The following TEX11 variants were observed in gnomAD, a reference collection of about 807,000 sequenced individuals.
TEX11 encodes testis-expressed protein 11.
Under a neutral mutation model 84.4 loss-of-function variants are expected in TEX11, and 7 were observed. That is an observed-to-expected ratio of 0.08 (90% CI 0.05 to 0.16). The LOEUF (loss-of-function observed/expected upper bound fraction) is 0.16. Ranked by LOEUF, TEX11 falls within the 10% of genes least tolerant of loss-of-function variation. TEX11 has a pLI of 1.00. For missense variants in TEX11, 551 were observed against 660.5 expected, an observed-to-expected ratio of 0.83 and a Z score of 1.82; for synonymous variants, 264 against 222.8, an observed-to-expected ratio of 1.18 and a Z score of -1.64.
At chrX:70,624,248 G>A (rs1262429780) in intron 19 of TEX11, among the ~76,000 whole-genome samples, 4 of 111,777 alleles carry the variant, frequency 3.6e-5, no homozygotes, top group Non-Finnish European at 7.5e-5. Context: ...AAACAAAAGC[G>A]TTGCTTATAA....
At chrX:70,553,511 C>T (rs2088247245) in intron 26 of TEX11, 97 bp from the exon 27 acceptor site, 2 of 466,789 alleles carry the variant, frequency 4.3e-6, no homozygotes, top group Non-Finnish European at 3.5e-6. Context: ...TGAAACTGGG[C>T]TGAAACAGAT....
chrX:70,812,443 G>C (rs1030251150), intron 8 of TEX11, among the ~76,000 whole-genome samples: 2 of 110,661 alleles, frequency 1.8e-5, no homozygotes, highest in Non-Finnish European at 3.8e-5. Context: ...TCCTGACCTC[G>C]TGATCTGCCC....
chrX:70,868,305 T>A (rs890837319), intron 4 of TEX11, among the ~76,000 whole-genome samples: 23 of 111,918 alleles, frequency 2.1e-4, no homozygotes, highest in African/African-American at 7.5e-4. Context: ...ATTAGAGAAA[T>A]GCAAATGAAA....
At chrX:70,688,952 G>GT (rs1229995176) in intron 13 of TEX11, among the ~76,000 whole-genome samples, 1 of 109,657 alleles carries the variant, frequency 9.1e-6, no homozygotes, top group Non-Finnish European at 1.9e-5. Context: ...CTGGAAATAA[G>GT]TAGAGTCTGT....
chrX:70,897,230 T>TA (rs1569463026), intron 2 of TEX11, among the ~76,000 whole-genome samples: 106 of 51,312 alleles, frequency 2.1e-3, no homozygotes, highest in African/African-American at 5.1e-3. Flanking sequence ...TATATATGTT[T>TA]TATATATATA....
At chrX:70,906,604 A>G (rs768408528) in intron 2 of TEX11, among the ~76,000 whole-genome samples, 3 of 110,721 alleles carry the variant, frequency 2.7e-5, no homozygotes, top group African/African-American at 9.8e-5. Flanking sequence ...CTTGACCGAC[A>G]TGGTGAAACC....
intron 2 of TEX11, among the ~76,000 whole-genome samples, chrX:70,902,553 ACT>A (rs1476721932): frequency 9.0e-6 from 1 of 111,172 alleles, no homozygotes; most frequent in African/African-American, 3.3e-5. Context: ...ATGGGGTCTC[ACT>A]CTGTCACTGG....
chrX:70,511,907 G>C, the TEX11 span, among the ~76,000 whole-genome samples: 2 of 106,555 alleles, frequency 1.9e-5, no homozygotes, highest in African/African-American at 7.0e-5. Context: ...GTGTTGCCCA[G>C]GTTAATACTC....
At chrX:70,859,093 G>A (rs1339237718) in intron 5 of TEX11, among the ~76,000 whole-genome samples, 2 of 110,480 alleles carry the variant, frequency 1.8e-5, no homozygotes, top group Non-Finnish European at 3.8e-5. Flanking sequence ...TGCTATTTGA[G>A]GAGATATAGA....
chrX:70,650,783 A>G (rs1255033146), intron 17 of TEX11, among the ~76,000 whole-genome samples: 2 of 112,283 alleles, frequency 1.8e-5, no homozygotes, highest in African/African-American at 6.5e-5. Flanking sequence ...AATGGCAACC[A>G]GTCTGGAGCT....
At chrX:70,607,532 T>C (rs964613201) in intron 22 of TEX11, among the ~76,000 whole-genome samples, 1 of 110,033 alleles carries the variant, frequency 9.1e-6, no homozygotes, top group Non-Finnish European at 1.9e-5. Flanking sequence ...TACAGTGAGC[T>C]ATGATGCCAC....
intron 25 of TEX11, among the ~76,000 whole-genome samples, chrX:70,574,252 A>G (rs1015292827): frequency 2.7e-5 from 3 of 111,985 alleles, no homozygotes; most frequent in Non-Finnish European, 5.6e-5. Context: ...GAGACCCAAA[A>G]GAGGAAATTT....
intron 4 of TEX11, among the ~76,000 whole-genome samples, chrX:70,872,567 A>T (rs2091635004): frequency 8.9e-6 from 1 of 112,423 alleles, no homozygotes; most frequent in Non-Finnish European, 1.9e-5. Flanking sequence ...ATGCCTGTTG[A>T]AAATCACTAA....
intron 24 of TEX11, among the ~76,000 whole-genome samples, chrX:70,600,372 C>T (rs1025191477): frequency 3.6e-5 from 4 of 110,934 alleles, no homozygotes; most frequent in Admixed American, 1.9e-4. Context: ...TAAAGCAAGT[C>T]CTGAGTGACC....
chrX:70,683,441 G>C (rs2090162446), intron 13 of TEX11, among the ~76,000 whole-genome samples: 1 of 111,226 alleles, frequency 9.0e-6, no homozygotes, highest in South Asian at 3.8e-4. Flanking sequence ...GACTAGCTTG[G>C]GCAAGATGGC....
chrX:70,733,310 A>G (rs1176067204), intron 11 of TEX11, among the ~76,000 whole-genome samples: 1 of 111,805 alleles, frequency 8.9e-6, no homozygotes, highest in Non-Finnish European at 1.9e-5. Context: ...ATGGGATCTA[A>G]TTAAACTAAA....
At chrX:70,707,198 C>T (rs904056325) in intron 13 of TEX11, among the ~76,000 whole-genome samples, 5 of 110,374 alleles carry the variant, frequency 4.5e-5, no homozygotes, top group African/African-American at 9.9e-5. Context: ...ATAAGACTTT[C>T]GGATGTTCCT....
intron 14 of TEX11, among the ~76,000 whole-genome samples, chrX:70,679,769 G>A (rs1478629334): frequency 9.7e-6 from 1 of 103,193 alleles, no homozygotes; most frequent in South Asian, 4.5e-4. Flanking sequence ...CCGCCCGTCC[G>A]GGAGGGAGGT....
intron 2 of TEX11, among the ~76,000 whole-genome samples, chrX:70,886,108 T>C (rs1431035310): frequency 1.8e-5 from 2 of 111,047 alleles, no homozygotes; most frequent in African/African-American, 6.5e-5. Context: ...CCACATGAAT[T>C]GAAATCAGGG....
Sources: gnomAD v4.1 joint callset for allele counts (sites outside exome capture counted in the v4.1 genomes callset) on GRCh38, gnomAD v4.1.1 for gene constraint, MANE v1.5 for transcripts, NCBI Gene and HGNC (gene_info 2026-07-23, HGNC 2026-07-21) for gene names.